The following GRIA4 variants were observed in gnomAD, a reference collection of about 807,000 sequenced individuals.
GRIA4 encodes glutamate receptor 4.
In GRIA4, 34 loss-of-function variants were observed where a neutral mutation model predicts 104.0. The ratio of observed to expected loss-of-function variants is 0.33; its 90% CI spans 0.25 to 0.44. The LOEUF (loss-of-function observed/expected upper bound fraction) is 0.44, where lower values mean the gene tolerates loss of function less well. Among genes scored for constraint, GRIA4 ranks in the 20% least tolerant of loss-of-function variants. The pLI is 1.00. For synonymous variants in GRIA4, 386 were observed against 381.9 expected (o/e 1.01, Z -0.13); for missense variants, 750 against 1,096.5 (o/e 0.68, Z 4.46).
chr11:105,878,489 T>C (rs1198841503), intron 5 of GRIA4, among the ~76,000 whole-genome samples: 2 of 152,190 alleles, frequency 1.3e-5, no homozygotes, highest in Non-Finnish European at 2.9e-5. Context: ...GGCAGGAATG[T>C]TTAATTCTGC....
At chr11:105,801,206 A>G (rs1254155472) in intron 4 of GRIA4, among the ~76,000 whole-genome samples, 3 of 151,604 alleles carry the variant, frequency 2.0e-5, no homozygotes, top group African/African-American at 7.2e-5. Flanking sequence ...ATTTAAATGT[A>G]TCTACCTGTT....
At chr11:105,627,390 A>G (rs1591462147) in intron 3 of GRIA4, among the ~76,000 whole-genome samples, 1 of 152,204 alleles carries the variant, frequency 6.6e-6, no homozygotes, top group Admixed American at 6.5e-5. Flanking sequence ...GGAGGATAGG[A>G]TAAGGATGTT....
Position 105,864,327 on chromosome 11 carries a change from A to AGTACAAAG in GRIA4, c.672+2119_672+2120insGTACAAAG, listed in dbSNP as rs1945331462. ...ACTCTTGGCTCTTCCACAAGAGCTAATCCATACTTTGTCAGGGGTTTGTAC... is the reference window on the plus strand; with the variant it reads ...ACTCTTGGCTCTTCCACAAGAGCTAAGTACAAAGTCCATACTTTGTCAGGGGTTTGTAC... On this transcript the variant is annotated intron_variant, in intron 5 of 16. Coordinates refer to ENST00000282499, the MANE Select transcript of GRIA4 (RefSeq NM_000829.4). Among the ~76,000 whole-genome samples the AGTACAAAG allele has an allele frequency of 3.9e-5, 6 of 152,198 alleles. No individual in the cohort carries two copies. In the South Asian group the frequency reaches 1.2e-3, roughly 32 times the overall value.
At chr11:105,888,440 C>T (rs1248621928) in intron 6 of GRIA4, among the ~76,000 whole-genome samples, 5 of 151,072 alleles carry the variant, frequency 3.3e-5, no homozygotes, top group East Asian at 3.9e-4. Context: ...CCCGCCACTA[C>T]GCCCGGCTAA....
At chr11:105,871,801 C>G (rs1228086100) in intron 5 of GRIA4, among the ~76,000 whole-genome samples, 1 of 151,804 alleles carries the variant, frequency 6.6e-6, no homozygotes, top group Non-Finnish European at 1.5e-5. Context: ...AAACCCTGAC[C>G]AAAAATGGTA....
chr11:105,934,093 T>C (rs1352624973), intron 14 of GRIA4, 124 bp downstream of exon 14: 1 of 844,958 alleles, frequency 1.2e-6, no homozygotes, highest in Non-Finnish European at 1.8e-6. Context: ...GTTTTCTTTT[T>C]CTCCATTTCA....
chr11:105,819,686 C>T (rs1013667878), intron 4 of GRIA4, among the ~76,000 whole-genome samples: 4 of 152,056 alleles, frequency 2.6e-5, no homozygotes, highest in Non-Finnish European at 5.9e-5. Context: ...TACTTTATAA[C>T]ATGTATACAT....
intron 4 of GRIA4, among the ~76,000 whole-genome samples, chr11:105,806,527 C>T (rs993345770): frequency 1.3e-5 from 2 of 151,836 alleles, no homozygotes; most frequent in African/African-American, 4.8e-5. Flanking sequence ...ATTTGCCCAC[C>T]TCTCATCCTG....
At chr11:105,882,224 A>G (rs1165183963) in intron 5 of GRIA4, among the ~76,000 whole-genome samples, 6 of 152,172 alleles carry the variant, frequency 3.9e-5, no homozygotes, top group Non-Finnish European at 5.9e-5. Flanking sequence ...TCTCTGGAAC[A>G]TGAAAACAAC....
chr11:105,730,039 G>A (rs752528147), intron 3 of GRIA4, among the ~76,000 whole-genome samples: 1 of 152,110 alleles, frequency 6.6e-6, no homozygotes, highest in African/African-American at 2.4e-5. Flanking sequence ...GGGCAATCAG[G>A]CAAGAGAAAG....
At chr11:105,795,783 T>C (rs915143690) in intron 4 of GRIA4, among the ~76,000 whole-genome samples, 3 of 152,172 alleles carry the variant, frequency 2.0e-5, no homozygotes, top group Non-Finnish European at 4.4e-5. Context: ...AGAACATCGA[T>C]GCTTATTATG....
chr11:105,840,526 G>T (rs1408733015), intron 4 of GRIA4, among the ~76,000 whole-genome samples: 10 of 152,124 alleles, frequency 6.6e-5, no homozygotes, highest in Admixed American at 2.6e-4. Context: ...AAATATATCT[G>T]CAGTATGTGT....
At chr11:105,701,097 C>G (rs1953473163) in intron 3 of GRIA4, among the ~76,000 whole-genome samples, 1 of 152,152 alleles carries the variant, frequency 6.6e-6, no homozygotes, top group Non-Finnish European at 1.5e-5. Flanking sequence ...ATTCCCCATT[C>G]TGGTTTAGTT....
intron 5 of GRIA4, among the ~76,000 whole-genome samples, chr11:105,886,337 A>G (rs1311822901): frequency 1.3e-5 from 2 of 152,212 alleles, no homozygotes; most frequent in African/African-American, 4.8e-5. Context: ...TTGTGTTATA[A>G]ACAATCCAAT....
intron 4 of GRIA4, among the ~76,000 whole-genome samples, chr11:105,794,469 GTATGTATATATATATATATA>G (rs1366822879): frequency 0.014 from 565 of 40,766 alleles, 36 homozygotes; most frequent in African/African-American, 0.042. Context: ...GTGTGTATAT[GTATGTATATATATATATATA>G]TATATATATA....
intron 3 of GRIA4, among the ~76,000 whole-genome samples, chr11:105,752,077 AATTTGGACCAGAAATCAGTT>A (rs540490953): frequency 6.7e-4 from 102 of 152,278 alleles, no homozygotes; most frequent in African/African-American, 2.4e-3. Flanking sequence ...AAGTCACACC[AATTTGGACCAGAAATCAGTT>A]ATGTTAAAAG....
chr11:105,857,425 C>G (rs952108745), intron 4 of GRIA4, among the ~76,000 whole-genome samples: 6 of 152,116 alleles, frequency 3.9e-5, no homozygotes, highest in African/African-American at 4.8e-5. Context: ...TTTAATTTAA[C>G]TAACTACAAG....
chr11:105,630,645 G>C (rs1383078271), intron 3 of GRIA4, among the ~76,000 whole-genome samples: 1 of 152,044 alleles, frequency 6.6e-6, no homozygotes, highest in Non-Finnish European at 1.5e-5. Context: ...TTATATATTA[G>C]TGTTTTAAAT....
At chr11:105,726,399 C>T (rs1938209735) in intron 3 of GRIA4, among the ~76,000 whole-genome samples, 2 of 152,142 alleles carry the variant, frequency 1.3e-5, no homozygotes, top group African/African-American at 4.8e-5. Flanking sequence ...CAGTCAGGAG[C>T]TTATAGATAA....
Sources: gnomAD v4.1 joint callset for allele counts (sites outside exome capture counted in the v4.1 genomes callset) on GRCh38, gnomAD v4.1.1 for gene constraint, MANE v1.5 for transcripts, NCBI Gene and HGNC (gene_info 2026-07-23, HGNC 2026-07-21) for gene names.